Variants in GLI3 observed in about 807,000 individuals in gnomAD.
The protein encoded by GLI3 is GLI family zinc finger 3.
Under a neutral mutation model 100.8 loss-of-function variants are expected in GLI3, and 20 were observed. That is an observed-to-expected ratio of 0.20 (90% confidence interval 0.14 to 0.29). The LOEUF (loss-of-function observed/expected upper bound fraction) is 0.29. Among genes scored for constraint, GLI3 ranks in the 10% least tolerant of loss-of-function variants. The pLI is 1.00. For synonymous variants in GLI3, 938 were observed against 860.5 expected, an observed-to-expected ratio of 1.09 and a Z score of -1.58; for missense variants, 2,040 against 2,128.5, an observed-to-expected ratio of 0.96 and a Z score of 0.82.
intron 4 of GLI3, among the ~76,000 whole-genome samples, chr7:42,059,447 T>C (rs1784524441): frequency 6.7e-6 from 1 of 149,706 alleles, no homozygotes; most frequent in African/African-American, 2.4e-5. Flanking sequence ...AATTAATAAG[T>C]ATAAATGAAT....
intron 3 of GLI3, among the ~76,000 whole-genome samples, chr7:42,081,685 G>A (rs935996179): frequency 6.6e-6 from 1 of 152,074 alleles, no homozygotes; most frequent in African/African-American, 2.4e-5. Context: ...CCAAGAAATA[G>A]TTATAGTATC....
chr7:42,252,954 T>G (rs1419931788), intron 1 of GLI3, among the ~76,000 whole-genome samples: 1 of 152,224 alleles, frequency 6.6e-6, no homozygotes, highest in Non-Finnish European at 1.5e-5. Context: ...GGTACAAAAG[T>G]TGAAATTATT....
At chr7:42,097,744 T>C (rs755537057) in intron 3 of GLI3, among the ~76,000 whole-genome samples, 5 of 152,250 alleles carry the variant, frequency 3.3e-5, no homozygotes, top group Admixed American at 6.5e-5. Context: ...CGTGTAATTC[T>C]GCAGAACTTG....
chr7:42,044,444 T>A (rs1784204055), intron 6 of GLI3, among the ~76,000 whole-genome samples: 1 of 152,170 alleles, frequency 6.6e-6, no homozygotes, highest in African/African-American at 2.4e-5. Context: ...ATAGGCTTAC[T>A]TGTCTATGCG....
At chr7:41,991,958 T>C (rs1246831631) in intron 10 of GLI3, among the ~76,000 whole-genome samples, 1 of 152,202 alleles carries the variant, frequency 6.6e-6, no homozygotes, top group East Asian at 1.9e-4. Flanking sequence ...CACATGCTGG[T>C]GAGTGGCTGT....
At chr7:42,230,389 G>A (rs1379179744) in intron 1 of GLI3, among the ~76,000 whole-genome samples, 2 of 152,082 alleles carry the variant, frequency 1.3e-5, no homozygotes, top group African/African-American at 4.8e-5. Flanking sequence ...ATACCCAAAT[G>A]GAATTACTCC....
chr7:42,256,964 G>A (rs537564588), intron 1 of GLI3, among the ~76,000 whole-genome samples: 22 of 151,838 alleles, frequency 1.4e-4, no homozygotes, highest in Non-Finnish European at 3.1e-4. Context: ...GCAGTGTTTT[G>A]TAGATTTTAT....
intron 1 of GLI3, among the ~76,000 whole-genome samples, chr7:42,246,595 C>A (rs2128709777): frequency 6.7e-6 from 1 of 150,360 alleles, no homozygotes; most frequent in East Asian, 2.0e-4. Context: ...TTTAAAAGAG[C>A]AGAACTGTAC....
At chr7:42,185,732 G>C (rs1787704543) in intron 2 of GLI3, among the ~76,000 whole-genome samples, 1 of 152,198 alleles carries the variant, frequency 6.6e-6, no homozygotes, top group East Asian at 1.9e-4. Flanking sequence ...CCTGCAACTG[G>C]TGCTATTAGT....
chr7:42,100,275 G>A (rs1372094611), intron 3 of GLI3, among the ~76,000 whole-genome samples: 1 of 152,258 alleles, frequency 6.6e-6, no homozygotes, highest in African/African-American at 2.4e-5. Flanking sequence ...AGCCACAGCT[G>A]CCTGGTGCAG....
intron 3 of GLI3, among the ~76,000 whole-genome samples, chr7:42,115,133 CTTTTT>C (rs56200386): frequency 0.023 from 2,338 of 99,616 alleles, 46 homozygotes; most frequent in African/African-American, 0.084. Flanking sequence ...AATTTTCCTA[CTTTTT>C]TTTTTTTTTT....
At chr7:42,250,804 G>C (rs2128710329) in intron 1 of GLI3, among the ~76,000 whole-genome samples, 1 of 152,318 alleles carries the variant, frequency 6.6e-6, no homozygotes, top group African/African-American at 2.4e-5. Context: ...AGGCCAGCGG[G>C]GAGTTGGGAA....
rs1483234604 is a variant in GLI3 at position 42,237,040 on chromosome 7, T to G, written c.-112A>C. ...CGCGGACGGGGCGCAGGCTGGCGGCTCCCCGCTCCGCGCGGCCGCGGGCGG... is the reference window on the plus strand; with the variant it reads ...CGCGGACGGGGCGCAGGCTGGCGGCGCCCCGCTCCGCGCGGCCGCGGGCGG... On this transcript the variant is annotated 5_prime_UTR_variant, in exon 1 of 15. Coordinates refer to ENST00000395925, the MANE Select transcript of GLI3 (RefSeq NM_000168.6). 2 of 149,116 alleles carry G rather than the reference T, an allele frequency of 1.3e-5. No individual in the cohort carries two copies. The highest frequency in any genetic ancestry group is 4.0e-4 in the East Asian group (2 of 5,060). The allele number at this position is 149,116 out of a possible 1,614,324, so 9.2% of individuals were successfully genotyped here.
intron 2 of GLI3, among the ~76,000 whole-genome samples, chr7:42,158,526 G>A (rs1044892360): frequency 6.0e-5 from 9 of 149,170 alleles, no homozygotes; most frequent in Non-Finnish European, 1.3e-4. Flanking sequence ...TTTCACTCTT[G>A]TTGCCCAGGC....
At chr7:42,155,840 G>C (rs902956200) in intron 2 of GLI3, among the ~76,000 whole-genome samples, 1 of 151,970 alleles carries the variant, frequency 6.6e-6, no homozygotes, top group African/African-American at 2.4e-5. Context: ...TTTTTAAAAA[G>C]ATAATGACAA....
intron 2 of GLI3, among the ~76,000 whole-genome samples, chr7:42,165,060 A>C (rs1370931237): frequency 6.6e-6 from 1 of 151,796 alleles, no homozygotes; most frequent in African/African-American, 2.4e-5. Context: ...GGATCACTTG[A>C]GGTCAAGAGT....
At chr7:42,092,149 C>T (rs183595222) in intron 3 of GLI3, among the ~76,000 whole-genome samples, 241 of 152,324 alleles carry the variant, frequency 1.6e-3, no homozygotes, top group Admixed American at 2.2e-3. Context: ...GCCAAGGACC[C>T]TGGAGGATTA....
intron 4 of GLI3, among the ~76,000 whole-genome samples, chr7:42,066,048 G>C (rs1007036663): frequency 6.6e-6 from 1 of 152,172 alleles, no homozygotes; most frequent in Admixed American, 6.5e-5. Flanking sequence ...GAATCAAATG[G>C]ACTGGAAGAA....
At chr7:42,013,142 T>C (rs1788666135) in intron 10 of GLI3, among the ~76,000 whole-genome samples, 1 of 152,234 alleles carries the variant, frequency 6.6e-6, no homozygotes, top group African/African-American at 2.4e-5. Context: ...TTTTCATTCC[T>C]GCCAAACAGA....
Sources: allele counts gnomAD v4.1 joint callset (sites outside exome capture counted in the v4.1 genomes callset), GRCh38; gene constraint gnomAD v4.1.1; transcripts MANE v1.5; gene names NCBI Gene and HGNC (gene_info 2026-07-23, HGNC 2026-07-21).